ERC2: variants seen among roughly 807,000 people sequenced by gnomAD.
ERC2 encodes ERC protein 2.
In ERC2, 42 loss-of-function variants were observed where a neutral mutation model predicts 114.8. That is an observed-to-expected ratio of 0.37 (90% CI 0.29 to 0.47). The LOEUF is 0.47. Among genes scored for constraint, ERC2 ranks in the 20% least tolerant of loss-of-function variants. ERC2 has a pLI of 0.99. For missense variants in ERC2, 939 were observed against 1,150.7 expected (o/e 0.82, Z 2.66); for synonymous variants, 454 against 425.5 (o/e 1.07, Z -0.82).
At chr3:56,408,063 T>G (rs2060795923) in intron 2 of ERC2, among the ~76,000 whole-genome samples, 1 of 152,174 alleles carries the variant, frequency 6.6e-6, no homozygotes, top group Admixed American at 6.5e-5. Context: ...CATTTTATAA[T>G]GATGTATTTT....
intron 3 of ERC2, among the ~76,000 whole-genome samples, chr3:56,240,299 A>C (rs1214120697): frequency 6.6e-6 from 1 of 152,240 alleles, no homozygotes; most frequent in Non-Finnish European, 1.5e-5. Flanking sequence ...TCAAAAGTGT[A>C]CATGAAAAGT....
At chr3:56,426,262 G>C (rs573797882) in intron 2 of ERC2, among the ~76,000 whole-genome samples, 1 of 152,270 alleles carries the variant, frequency 6.6e-6, no homozygotes, top group East Asian at 1.9e-4. Context: ...GAGTACATCT[G>C]AGTCGCTGGC....
At chr3:56,308,721 G>C (rs1403783663) in intron 2 of ERC2, among the ~76,000 whole-genome samples, 1 of 152,008 alleles carries the variant, frequency 6.6e-6, no homozygotes, top group East Asian at 1.9e-4. Context: ...AAGCAGCTTA[G>C]GGTTTCATTG....
chr3:56,299,109 TTTTTTTTTTG>T (rs2055666323), intron 2 of ERC2, among the ~76,000 whole-genome samples: 1 of 142,716 alleles, frequency 7.0e-6, no homozygotes, highest in Admixed American at 7.2e-5. Context: ...TTTTTTTGTT[TTTTTTTTTTG>T]TTTTTTTTTT....
chr3:56,285,836 G>A (rs1241534651), intron 3 of ERC2, among the ~76,000 whole-genome samples: 1 of 152,220 alleles, frequency 6.6e-6, no homozygotes, highest in Non-Finnish European at 1.5e-5. Context: ...GGGCTAAAAA[G>A]TGTCAATAAA....
At chr3:56,057,551 TA>T (rs2076068617) in intron 7 of ERC2, among the ~76,000 whole-genome samples, 1 of 152,186 alleles carries the variant, frequency 6.6e-6, no homozygotes, top group Non-Finnish European at 1.5e-5. Flanking sequence ...AAGATGTACC[TA>T]AAATGCAGTA....
intron 2 of ERC2, among the ~76,000 whole-genome samples, chr3:56,372,598 G>A (rs374827680): frequency 6.6e-6 from 1 of 152,006 alleles, no homozygotes; most frequent in Non-Finnish European, 1.5e-5. Flanking sequence ...GTGGTATCGC[G>A]TGCCTGTTGT....
intron 14 of ERC2, among the ~76,000 whole-genome samples, chr3:55,798,157 A>G (rs964361142): frequency 6.6e-6 from 1 of 152,232 alleles, no homozygotes; most frequent in Non-Finnish European, 1.5e-5. Context: ...GGTAATAGAT[A>G]TTTGCAAAGA....
At chr3:55,872,768 T>G (rs1162862482) in intron 14 of ERC2, among the ~76,000 whole-genome samples, 1 of 152,126 alleles carries the variant, frequency 6.6e-6, no homozygotes, top group Non-Finnish European at 1.5e-5. Context: ...CCCCTCTGCC[T>G]CCAGAGGTGC....
intron 13 of ERC2, among the ~76,000 whole-genome samples, chr3:55,904,665 T>C (rs2064328698): frequency 1.3e-5 from 2 of 152,126 alleles, no homozygotes; most frequent in Admixed American, 6.5e-5. Flanking sequence ...ATGAGTCTAA[T>C]AAAGTATAAC....
At chr3:55,556,339 C>A (rs1413260733) in intron 17 of ERC2, among the ~76,000 whole-genome samples, 1 of 152,150 alleles carries the variant, frequency 6.6e-6, no homozygotes, top group Non-Finnish European at 1.5e-5. Flanking sequence ...CTCTCAGTGC[C>A]CCACATGGAG....
intron 7 of ERC2, among the ~76,000 whole-genome samples, chr3:56,033,214 A>T (rs2074590907): frequency 6.6e-6 from 1 of 152,182 alleles, no homozygotes; most frequent in Admixed American, 6.5e-5. Context: ...CAACAGAGTG[A>T]GACCCCATCT....
intron 7 of ERC2, among the ~76,000 whole-genome samples, chr3:56,038,089 A>C (rs2074915685): frequency 6.6e-6 from 1 of 152,216 alleles, no homozygotes; most frequent in Non-Finnish European, 1.5e-5. Context: ...AATAGGATCT[A>C]ATTAAACTAA....
chr3:56,408,714 T>G (rs777259474), intron 2 of ERC2, among the ~76,000 whole-genome samples: 1 of 152,160 alleles, frequency 6.6e-6, no homozygotes, highest in Non-Finnish European at 1.5e-5. Flanking sequence ...GCGAAAGAAC[T>G]AAACGAGGTG....
At chr3:55,990,864 CAG>C (rs1305113235) in intron 11 of ERC2, among the ~76,000 whole-genome samples, 1 of 152,166 alleles carries the variant, frequency 6.6e-6, no homozygotes, top group African/African-American at 2.4e-5. Context: ...AGGCTAAGGA[CAG>C]ATGATTGCTT....
rs2077196000 is a variant in ERC2, at chr3:56,080,870, T to C, written c.1588A>G (p.Met530Val). Reference protein sequence around the residue: ...KGTLAGEIRDMKDMLEVKERK... With the variant: ...KGTLAGEIRDVKDMLEVKERK... ...TCCTTCACTTCTAACATATCTTTCATGTCACGAATTTCACCGGCCAGTGTC... is the reference window on the plus strand; with the variant it reads ...TCCTTCACTTCTAACATATCTTTCACGTCACGAATTTCACCGGCCAGTGTC... Residue 530 changes from methionine (M) to valine (V), a missense_variant, in exon 7 of 18, where the codon ATG (methionine) becomes GTG (valine). This residue lies in a region of ERC2 where 149 missense variants were observed against 254.6 expected (regional missense o/e 0.59). Transcript: ENST00000288221. 2.5e-6 allele frequency: 4 copies of C among 1,613,848 alleles called. No homozygotes were observed. The highest frequency in any genetic ancestry group is 3.4e-6 in the Non-Finnish European group (4 of 1,179,786).
At chr3:56,041,997 A>C (rs1457158563) in intron 7 of ERC2, among the ~76,000 whole-genome samples, 1 of 152,172 alleles carries the variant, frequency 6.6e-6, no homozygotes, top group African/African-American at 2.4e-5. Context: ...AAGCAAAGTA[A>C]CTTGATTAAG....
intron 14 of ERC2, among the ~76,000 whole-genome samples, chr3:55,858,438 G>A (rs986241032): frequency 6.6e-6 from 1 of 152,188 alleles, no homozygotes; most frequent in Non-Finnish European, 1.5e-5. Context: ...ATAGTAAGCT[G>A]CCACGAGGCA....
intron 3 of ERC2, among the ~76,000 whole-genome samples, chr3:56,294,596 A>C (rs1233135226): frequency 6.6e-6 from 1 of 152,258 alleles, no homozygotes; most frequent in Non-Finnish European, 1.5e-5. Context: ...AAGGCAATAG[A>C]GTCTGCTAGT....
Sources: allele counts gnomAD v4.1 joint callset (sites outside exome capture counted in the v4.1 genomes callset), GRCh38; gene constraint gnomAD v4.1.1; regional missense constraint gnomAD v4.1.1; transcripts MANE v1.5; gene names NCBI Gene and HGNC (gene_info 2026-07-23, HGNC 2026-07-21).